PPP1R9A: variants seen among roughly 807,000 people sequenced by gnomAD.
The protein encoded by PPP1R9A is protein phosphatase 1 regulatory subunit 9A.
A neutral mutation model predicts 141.9 loss-of-function variants in PPP1R9A; 59 were observed. The observed-to-expected ratio is 0.42, with a 90% CI of 0.34 to 0.52. The LOEUF (loss-of-function observed/expected upper bound fraction) is 0.52. Ranked by LOEUF, PPP1R9A falls within the 20% of genes least tolerant of loss-of-function variation. PPP1R9A has a pLI of 0.10. For missense variants in PPP1R9A, 1,444 were observed against 1,611.9 expected (o/e 0.90, Z 1.78); for synonymous variants, 500 against 569.7 (o/e 0.88, Z 1.74).
intron 4 of PPP1R9A, among the ~76,000 whole-genome samples, chr7:95,122,104 G>A (rs569825878): frequency 6.7e-6 from 1 of 150,200 alleles, no homozygotes; most frequent in African/African-American, 2.4e-5. Flanking sequence ...AATAAAGCAT[G>A]TTGGAAAGAA....
At chr7:95,196,134 T>C (rs1239430365) in intron 5 of PPP1R9A, among the ~76,000 whole-genome samples, 1 of 151,924 alleles carries the variant, frequency 6.6e-6, no homozygotes, top group Non-Finnish European at 1.5e-5. Flanking sequence ...AACTCAATAA[T>C]AGAAAGACAA....
chr7:95,143,159 A>C (rs531654833), intron 4 of PPP1R9A, among the ~76,000 whole-genome samples: 1 of 152,248 alleles, frequency 6.6e-6, no homozygotes, highest in South Asian at 2.1e-4. Flanking sequence ...ATATTATTCC[A>C]ATGTACAGCT....
chr7:95,241,667 C>A (rs796432941), intron 8 of PPP1R9A, among the ~76,000 whole-genome samples: 2 of 151,890 alleles, frequency 1.3e-5, no homozygotes, highest in African/African-American at 4.8e-5. Flanking sequence ...GCAATTGCAA[C>A]AATTAAAAAA....
At chr7:95,270,568 A>T (rs529068721) in intron 14 of PPP1R9A, among the ~76,000 whole-genome samples, 1 of 152,228 alleles carries the variant, frequency 6.6e-6, no homozygotes, top group South Asian at 2.1e-4. Context: ...GAAGTAAAAG[A>T]TTTTTTTCTA....
At chr7:95,023,858 A>G (rs954019281) in intron 2 of PPP1R9A, among the ~76,000 whole-genome samples, 9 of 152,056 alleles carry the variant, frequency 5.9e-5, no homozygotes, top group Admixed American at 3.3e-4. Context: ...GGCCTTCTCT[A>G]GTTCTTTTAA....
chr7:95,038,098 C>T (rs1203320562), intron 2 of PPP1R9A, among the ~76,000 whole-genome samples: 1 of 149,280 alleles, frequency 6.7e-6, no homozygotes, highest in Non-Finnish European at 1.5e-5. Context: ...GGTGACAGAA[C>T]AAGACCATGT....
At chr7:95,152,535 C>G (rs756587414) in intron 4 of PPP1R9A, among the ~76,000 whole-genome samples, 4 of 152,184 alleles carry the variant, frequency 2.6e-5, no homozygotes, top group Non-Finnish European at 4.4e-5. Context: ...CCTCTCCTCA[C>G]TATGTACGCT....
chr7:95,247,909 A>T (rs1798341403), intron 9 of PPP1R9A, among the ~76,000 whole-genome samples: 1 of 152,062 alleles, frequency 6.6e-6, no homozygotes, highest in Admixed American at 6.6e-5. Flanking sequence ...TGTAGGAACA[A>T]ATTTAGTATA....
At chr7:95,008,765 T>C (rs1338162183) in intron 2 of PPP1R9A, among the ~76,000 whole-genome samples, 1 of 152,148 alleles carries the variant, frequency 6.6e-6, no homozygotes, top group Admixed American at 6.6e-5. Flanking sequence ...TGGTCACACC[T>C]ACCCCATTGA....
chr7:94,962,528 A>C (rs775870790), intron 2 of PPP1R9A, among the ~76,000 whole-genome samples: 2 of 152,082 alleles, frequency 1.3e-5, no homozygotes, highest in Non-Finnish European at 2.9e-5. Context: ...CTCATAAAAA[A>C]AATCTCACTT....
Position 94,949,684 on chromosome 7 carries a change from C to A in PPP1R9A, c.1395+38176C>A, listed in dbSNP as rs138632647. ...CAGGACACACAGCTCTGGAAGGCTT[C>A]CTAATGGGGCAGGAACCTCACCTGG... On this transcript the variant is annotated intron_variant, in intron 2 of 19. Transcript: ENST00000433360. Among the ~76,000 whole-genome samples, 178 of 152,044 alleles carry A rather than the reference C, an allele frequency of 1.2e-3. 1 individual carries two copies. Among genetic ancestry groups the A allele is most frequent in the African/African-American group, 4.2e-3 (175 of 41,484 alleles).
chr7:94,952,598 T>C (rs549481247), intron 2 of PPP1R9A, among the ~76,000 whole-genome samples: 26 of 152,262 alleles, frequency 1.7e-4, no homozygotes, highest in African/African-American at 5.8e-4. Context: ...CCTATTTCTC[T>C]ACATCCTCTC....
intron 2 of PPP1R9A, among the ~76,000 whole-genome samples, chr7:95,099,777 A>AAAGT (rs1264285209): frequency 6.6e-6 from 1 of 152,194 alleles, no homozygotes; most frequent in African/African-American, 2.4e-5. Context: ...CCATTGCTTG[A>AAAGT]AAGTATTCAG....
At position 95,186,462 on chromosome 7, in the gene PPP1R9A, C is replaced by G. The variant is rs147199938; in HGVS notation, c.1755-11887C>G. On this transcript the variant is annotated intron_variant, in intron 5 of 19. Transcript: ENST00000433360. ...GGTAAACGATCATATCATCTGCAAA[C>G]AGCGACAGTTTGACTTCCTCTTTAC... Among the ~76,000 whole-genome samples, 647 of 152,244 alleles carry G rather than the reference C, an allele frequency of 4.2e-3. 4 individuals are homozygous for G. The highest frequency in any genetic ancestry group is 0.014 in the African/African-American group (584 of 41,574).
chr7:95,166,341 G>T (rs1258276575), intron 5 of PPP1R9A, among the ~76,000 whole-genome samples: 1 of 152,084 alleles, frequency 6.6e-6, no homozygotes, highest in African/African-American at 2.4e-5. Context: ...TAAAATTTAT[G>T]AGAAGATAGA....
At chr7:95,135,854 C>CT (rs58872136) in intron 4 of PPP1R9A, among the ~76,000 whole-genome samples, 7,351 of 73,134 alleles carry the variant, frequency 0.1, 529 homozygotes, top group Admixed American at 0.12. Flanking sequence ...TTCAGCTTTA[C>CT]TTTTTTTTTT....
At chr7:95,065,774 A>G (rs1812854082) in intron 2 of PPP1R9A, among the ~76,000 whole-genome samples, 1 of 152,050 alleles carries the variant, frequency 6.6e-6, no homozygotes, top group South Asian at 2.1e-4. Context: ...CCACAGAACA[A>G]TAAGGATAAA....
At chr7:94,965,625 G>C (rs1798118762) in intron 2 of PPP1R9A, among the ~76,000 whole-genome samples, 1 of 152,014 alleles carries the variant, frequency 6.6e-6, no homozygotes, top group African/African-American at 2.4e-5. Flanking sequence ...GGATCAGATG[G>C]TTGTATGTGT....
At position 95,082,933 on chromosome 7, in the gene PPP1R9A, T is replaced by G. The variant is rs186411977; in HGVS notation, c.1396-28326T>G. ...ACCACGCCCGGCTAATTTTTTGTAT[T>G]TTTAGAAGAGACGGGGTTTCACCGT... On this transcript the variant is annotated intron_variant, in intron 2 of 19. Transcript: ENST00000433360. 7.8e-3 allele frequency among the ~76,000 whole-genome samples: 1,181 copies of G among 151,616 alleles called. 35 individuals carry two copies. The highest frequency in any genetic ancestry group is 0.027 in the African/African-American group (1,131 of 41,148).
Sources: allele counts gnomAD v4.1 joint callset (sites outside exome capture counted in the v4.1 genomes callset), GRCh38; gene constraint gnomAD v4.1.1; transcripts MANE v1.5; gene names NCBI Gene and HGNC (gene_info 2026-07-23, HGNC 2026-07-21).